Variants in SLC35F4 observed in about 807,000 individuals in gnomAD.
SLC35F4 encodes the protein solute carrier family 35 member F4, also known as chromosome 14 open reading frame 36.
A neutral mutation model predicts 44.2 loss-of-function variants in SLC35F4; 24 were observed. That is an observed-to-expected ratio of 0.54 (90% CI 0.39 to 0.76). The LOEUF (loss-of-function observed/expected upper bound fraction) is 0.76, where lower values mean the gene tolerates loss of function less well. SLC35F4 is among the 30% of genes least tolerant of loss of function. The probability of loss-of-function intolerance (pLI) is 0.00; values close to 1 mark genes in which losing one functional copy is unlikely to be tolerated. For synonymous variants in SLC35F4, 238 were observed against 223.6 expected, an observed-to-expected ratio of 1.06 and a Z score of -0.57; for missense variants, 562 against 586.1, an observed-to-expected ratio of 0.96 and a Z score of 0.42.
chr14:57,818,382 G>A (rs1882828024), intron 1 of SLC35F4, among the ~76,000 whole-genome samples: 1 of 152,098 alleles, frequency 6.6e-6, no homozygotes, highest in Admixed American at 6.5e-5. Context: ...ATGCAGTAAG[G>A]GGCTTGACCA....
chr14:57,604,349 A>T (rs954721785), intron 1 of SLC35F4: 6 of 152,228 alleles, frequency 3.9e-5, no homozygotes, highest in South Asian at 2.1e-4. Context: ...AAATTGAAGC[A>T]AAATAGATAA....
intron 1 of SLC35F4, among the ~76,000 whole-genome samples, chr14:57,674,568 G>T (rs1046090807): frequency 6.6e-6 from 1 of 152,116 alleles, no homozygotes; most frequent in Non-Finnish European, 1.5e-5. Flanking sequence ...AATGTGGGTG[G>T]ATCTCAGAAA....
intron 1 of SLC35F4, among the ~76,000 whole-genome samples, chr14:57,680,319 A>C (rs1287588355): frequency 1.3e-5 from 2 of 152,154 alleles, no homozygotes; most frequent in African/African-American, 2.4e-5. Flanking sequence ...GACAAAATTC[A>C]ACAGCCCTTC....
At chr14:57,675,377 G>T (rs145400882) in intron 1 of SLC35F4, among the ~76,000 whole-genome samples, 1 of 152,084 alleles carries the variant, frequency 6.6e-6, no homozygotes, top group Non-Finnish European at 1.5e-5. Flanking sequence ...AAGTAAGCTG[G>T]ATTAGTGGAT....
chr14:57,933,943 A>G (rs748191486), intron 1 of SLC35F4, among the ~76,000 whole-genome samples: 10 of 152,154 alleles, frequency 6.6e-5, no homozygotes, highest in Admixed American at 2.6e-4. Context: ...GCTTTGTTTA[A>G]AGAAGGTGAT....
At chr14:57,803,140 T>C (rs189887335) in intron 1 of SLC35F4, among the ~76,000 whole-genome samples, 2 of 152,282 alleles carry the variant, frequency 1.3e-5, no homozygotes, top group Admixed American at 1.3e-4. Flanking sequence ...GGATTCAAGG[T>C]TGGTTTAACA....
intron 1 of SLC35F4, among the ~76,000 whole-genome samples, chr14:57,634,301 G>C (rs1451508794): frequency 6.6e-6 from 1 of 152,160 alleles, no homozygotes; most frequent in African/African-American, 2.4e-5. Flanking sequence ...ATGTATAACA[G>C]AAGGATGTGG....
In SLC35F4 at chr14:57,569,870, C is replaced by G. The variant is rs773724852; in HGVS notation, c.1044G>C (p.Leu348Phe). The G allele has an allele frequency of 1.9e-6, 3 of 1,611,826 alleles. No homozygotes were observed. The highest frequency in any genetic ancestry group is 1.1e-5 in the South Asian group (1 of 90,364). Residue 348 changes from leucine (L) to phenylalanine (F), a missense_variant, in exon 6 of 8, where the codon TTG becomes TTC. Leu to Phe is a conservative substitution (Grantham distance 22). Coordinates refer to ENST00000556826, the MANE Select transcript of SLC35F4 (RefSeq NM_001306087.2). ...LIFISFTPVI[L>F]YFTKVEHWSS... Reference sequence around the variant, plus strand: ...ACCAGTGCTCCACCTTGGTGAAATACAAGATGACTGGGGTGAAGGAGATGA... The same window carrying G: ...ACCAGTGCTCCACCTTGGTGAAATAGAAGATGACTGGGGTGAAGGAGATGA...
At chr14:57,934,901 A>G (rs1889769224) in intron 1 of SLC35F4, among the ~76,000 whole-genome samples, 1 of 152,194 alleles carries the variant, frequency 6.6e-6, no homozygotes, top group Admixed American at 6.5e-5. Context: ...TATTACTGGT[A>G]AAGTAATGGA....
intron 1 of SLC35F4, among the ~76,000 whole-genome samples, chr14:57,886,706 C>T (rs986419753): frequency 6.6e-6 from 1 of 151,978 alleles, no homozygotes; most frequent in African/African-American, 2.4e-5. Context: ...AAGGTAGAGG[C>T]CTCTGCAAAG....
intron 1 of SLC35F4, among the ~76,000 whole-genome samples, chr14:57,625,468 A>T (rs2072425880): frequency 6.6e-6 from 1 of 152,198 alleles, no homozygotes; most frequent in Non-Finnish European, 1.5e-5. Flanking sequence ...TTTCGTATGG[A>T]ATCAAAAAAG....
intron 1 of SLC35F4, among the ~76,000 whole-genome samples, chr14:57,882,586 T>A (rs1358255160): frequency 6.6e-6 from 1 of 152,172 alleles, no homozygotes; most frequent in Admixed American, 6.6e-5. Flanking sequence ...TCTAGCATTA[T>A]CAGGCCTAGA....
chr14:57,934,767 G>A (rs1418938304), intron 1 of SLC35F4, among the ~76,000 whole-genome samples: 1 of 152,102 alleles, frequency 6.6e-6, no homozygotes, highest in African/African-American at 2.4e-5. Context: ...GATGATATTT[G>A]TGATGTTAAC....
At chr14:57,808,735 G>A (rs2140879063) in intron 1 of SLC35F4, among the ~76,000 whole-genome samples, 1 of 152,334 alleles carries the variant, frequency 6.6e-6, no homozygotes, top group Admixed American at 6.5e-5. Flanking sequence ...GAGTCCAGGA[G>A]GTCAAGGCTG....
intron 4 of SLC35F4, among the ~76,000 whole-genome samples, chr14:57,577,223 C>A (rs4898938): frequency 1.1e-4 from 16 of 152,078 alleles, no homozygotes; most frequent in Admixed American, 3.3e-4. Context: ...TTCAGGGGCC[C>A]AATTTGAATT....
intron 1 of SLC35F4, among the ~76,000 whole-genome samples, chr14:57,735,837 T>A: frequency 6.6e-6 from 1 of 151,644 alleles, no homozygotes; most frequent in East Asian, 2.0e-4. Context: ...ATTCTCCACC[T>A]CGGCCTCCCA....
intron 1 of SLC35F4, among the ~76,000 whole-genome samples, chr14:57,638,744 T>C (rs1216354985): frequency 1.3e-5 from 2 of 152,088 alleles, no homozygotes; most frequent in Admixed American, 6.6e-5. Flanking sequence ...CGGGAACAGA[T>C]GTTACTCTTA....
chr14:57,786,809 G>A (rs908165212), intron 1 of SLC35F4, among the ~76,000 whole-genome samples: 1 of 152,144 alleles, frequency 6.6e-6, no homozygotes, highest in South Asian at 2.1e-4. Flanking sequence ...CTGCCCAAAT[G>A]AGAAGGAACC....
chr14:57,982,434 T>C (rs17094085), upstream of SLC35F4, among the ~76,000 whole-genome samples: 1,948 of 152,300 alleles, frequency 0.013, 46 homozygotes, highest in African/African-American at 0.045. Flanking sequence ...ACAGCTGTTC[T>C]GCTTCACAAC....
Sources: allele counts gnomAD v4.1 joint callset (sites outside exome capture counted in the v4.1 genomes callset), GRCh38; gene constraint gnomAD v4.1.1; transcripts MANE v1.5; gene names NCBI Gene and HGNC (gene_info 2026-07-23, HGNC 2026-07-21).